The following KALRN variants were observed in gnomAD, a reference collection of about 807,000 sequenced individuals.
KALRN encodes the protein kalirin RhoGEF kinase.
KALRN carries 70 observed loss-of-function variants against 353.7 expected under a neutral mutation model. The observed-to-expected ratio is 0.20, with a 90% CI of 0.16 to 0.24. The LOEUF (loss-of-function observed/expected upper bound fraction) is 0.24. KALRN is among the 10% of genes least tolerant of loss of function. The probability of loss-of-function intolerance (pLI) is 1.00; values close to 1 mark genes in which losing one functional copy is unlikely to be tolerated. For synonymous variants in KALRN, 1,391 were observed against 1,434.8 expected, an observed-to-expected ratio of 0.97 and a Z score of 0.69; for missense variants, 2,791 against 3,756.7, an observed-to-expected ratio of 0.74 and a Z score of 6.72.
At chr3:124,386,398 C>T (rs763446142) in intron 11 of KALRN, among the ~76,000 whole-genome samples, 4 of 152,154 alleles carry the variant, frequency 2.6e-5, no homozygotes, top group Non-Finnish European at 4.4e-5. Context: ...ATGAGGGCTG[C>T]GGTGGTGCTG....
intron 1 of KALRN, among the ~76,000 whole-genome samples, chr3:124,138,335 G>C (rs2066188756): frequency 6.6e-6 from 1 of 152,192 alleles, no homozygotes; most frequent in South Asian, 2.1e-4. Context: ...CTGACTAAAA[G>C]AGGGGGAGGG....
chr3:124,327,020 CTTCCCAACTCCAT>C (rs2079985841), intron 7 of KALRN, among the ~76,000 whole-genome samples: 1 of 152,108 alleles, frequency 6.6e-6, no homozygotes, highest in Non-Finnish European at 1.5e-5. Context: ...TGGATCACCT[CTTCCCAACTCCAT>C]GTTGGTGATG....
At chr3:124,708,614 C>T (rs758084102) in intron 57 of KALRN, among the ~76,000 whole-genome samples, 33 of 151,954 alleles carry the variant, frequency 2.2e-4, no homozygotes, top group Admixed American at 6.6e-4. Context: ...AAATATTAGA[C>T]GTAACCCCAG....
intron 5 of KALRN, among the ~76,000 whole-genome samples, chr3:124,286,626 C>T (rs2075936887): frequency 6.6e-6 from 1 of 152,156 alleles, no homozygotes; most frequent in East Asian, 1.9e-4. Context: ...TGCCATTACA[C>T]TCATCCAGTG....
chr3:124,154,005 A>T (rs2068594529), intron 1 of KALRN, among the ~76,000 whole-genome samples: 2 of 151,998 alleles, frequency 1.3e-5, no homozygotes, highest in South Asian at 4.2e-4. Context: ...TTCATTGTAG[A>T]TTCTGGATAT....
chr3:124,599,382 T>A (rs1403720196), intron 34 of KALRN, among the ~76,000 whole-genome samples: 1 of 152,142 alleles, frequency 6.6e-6, no homozygotes, highest in African/African-American at 2.4e-5. Flanking sequence ...CTGCCAGGGC[T>A]CTTACTTCCT....
rs202061265 is a variant in KALRN at position 124,674,475 on chromosome 3, G to A, written c.7054G>A (p.Ala2352Thr). ...VSQGEVVQVLAVNQQNMCLVY... is the reference protein window; with the variant it reads ...VSQGEVVQVLTVNQQNMCLVY... ...CCAAGGTGAGGTGGTCCAGGTCCTC[G>A]CCGTCAACCAGCAGAACATGTGTCT... is the stretch of plus-strand genomic sequence containing the variant. The change falls in exon 49 of 60, where the codon GCC becomes ACC. Residue 2352 changes from alanine (A) to threonine (T), a missense_variant. Transcript: ENST00000682506. 49 of 1,613,848 alleles carry A rather than the reference G, an allele frequency of 3.0e-5. No homozygotes were observed. The highest frequency in any genetic ancestry group is 9.9e-5 in the South Asian group (9 of 91,038).
intron 3 of KALRN, among the ~76,000 whole-genome samples, chr3:124,249,257 G>C (rs905554985): frequency 6.6e-6 from 1 of 152,212 alleles, no homozygotes; most frequent in Non-Finnish European, 1.5e-5. Flanking sequence ...GCCTTCAGGA[G>C]GTTTGTGGTC....
At chr3:124,164,935 G>C (rs993174201) in intron 1 of KALRN, among the ~76,000 whole-genome samples, 1 of 152,182 alleles carries the variant, frequency 6.6e-6, no homozygotes, top group Admixed American at 6.5e-5. Context: ...CCCGATCATA[G>C]TACCCCTCTG....
At chr3:124,698,438 G>A (rs191312149) in intron 55 of KALRN, among the ~76,000 whole-genome samples, 3 of 152,274 alleles carry the variant, frequency 2.0e-5, no homozygotes, top group Middle Eastern at 3.4e-3. Context: ...CCCAGATGTC[G>A]AGCAGCTGTT....
intron 10 of KALRN, among the ~76,000 whole-genome samples, chr3:124,383,365 C>G (rs1369192971): frequency 2.0e-5 from 3 of 152,220 alleles, no homozygotes; most frequent in African/African-American, 7.2e-5. Context: ...TTTGTTTTCT[C>G]ACAGTTCTGG....
chr3:124,661,326 A>G (rs1486655937), intron 44 of KALRN, among the ~76,000 whole-genome samples: 7 of 152,230 alleles, frequency 4.6e-5, no homozygotes, highest in Admixed American at 2.0e-4. Context: ...GGCAAGTATT[A>G]TTTGAGTCAA....
intron 1 of KALRN, among the ~76,000 whole-genome samples, chr3:124,130,319 T>C (rs1408513330): frequency 6.6e-6 from 1 of 152,234 alleles, no homozygotes; most frequent in Non-Finnish European, 1.5e-5. Flanking sequence ...TTCAGAGCTC[T>C]CTGAACTTCT....
At chr3:124,257,869 T>A (rs1307016526) in intron 3 of KALRN, among the ~76,000 whole-genome samples, 3 of 152,232 alleles carry the variant, frequency 2.0e-5, no homozygotes, top group Non-Finnish European at 4.4e-5. Flanking sequence ...TATAAAAGTC[T>A]GCTGCTCCAA....
chr3:124,558,706 C>T (rs1402525716), intron 33 of KALRN, among the ~76,000 whole-genome samples: 1 of 152,224 alleles, frequency 6.6e-6, no homozygotes, highest in Non-Finnish European at 1.5e-5. Context: ...CCCCATTTGA[C>T]AGATGAAGAA....
intron 34 of KALRN, among the ~76,000 whole-genome samples, chr3:124,611,474 T>A (rs1000069046): frequency 6.6e-6 from 1 of 152,170 alleles, no homozygotes; most frequent in African/African-American, 2.4e-5. Flanking sequence ...TTCCTATTCA[T>A]CCATATGTAG....
chr3:124,608,010 ATTT>A (rs11306987), intron 34 of KALRN, among the ~76,000 whole-genome samples: 2 of 138,940 alleles, frequency 1.4e-5, no homozygotes. Context: ...CTCTTTTTTA[ATTT>A]TTTTTTTTTT....
intron 1 of KALRN, among the ~76,000 whole-genome samples, chr3:124,046,621 C>T (rs556591289): frequency 1.8e-4 from 28 of 152,224 alleles, no homozygotes; most frequent in African/African-American, 6.3e-4. Context: ...GACTCTGGAG[C>T]GGGGATAAAA....
chr3:124,277,199 G>C (rs570050008), intron 5 of KALRN, among the ~76,000 whole-genome samples: 2 of 152,334 alleles, frequency 1.3e-5, no homozygotes, highest in African/African-American at 4.8e-5. Flanking sequence ...AATTGCCTGA[G>C]CCCTTCATGT....
Sources: allele counts gnomAD v4.1 joint callset (sites outside exome capture counted in the v4.1 genomes callset), GRCh38; gene constraint gnomAD v4.1.1; transcripts MANE v1.5; gene names NCBI Gene and HGNC (gene_info 2026-07-23, HGNC 2026-07-21).